The following AKT3 variants were observed in gnomAD, a reference collection of about 807,000 sequenced individuals.
AKT3 encodes the protein RAC-gamma serine/threonine-protein kinase.
AKT3 carries 15 observed loss-of-function variants against 65.3 expected under a neutral mutation model. The observed-to-expected ratio is 0.23, with a 90% confidence interval of 0.15 to 0.35. The LOEUF is 0.35. Among genes scored for constraint, AKT3 ranks in the 10% least tolerant of loss-of-function variants. The pLI, the probability that AKT3 is intolerant of heterozygous loss-of-function variation, is 1.00. For synonymous variants in AKT3, 206 were observed against 183.8 expected (o/e 1.12, Z -0.98); for missense variants, 243 against 576.5 (o/e 0.42, Z 5.92).
chr1:243,562,074 C>G (rs1673826999), intron 10 of AKT3, among the ~76,000 whole-genome samples: 1 of 152,026 alleles, frequency 6.6e-6, no homozygotes, highest in African/African-American at 2.4e-5. Flanking sequence ...TGGATGCAAC[C>G]CAATGTACAT....
At position 243,500,609 on chromosome 1, in the gene AKT3, G is replaced by GACAA. The variant is rs370859816; in HGVS notation, c.*4636_*4639dup. 1,197 of 229,534 alleles carry GACAA rather than the reference G, an allele frequency of 5.2e-3. 13 individuals carry two copies. The highest frequency in any genetic ancestry group is 0.024 in the African/African-American group (1,096 of 45,236). 14.2% of individuals were successfully genotyped at this position (229,534 alleles called of 1,614,324 possible). A position where few individuals can be genotyped will look rare whatever the true frequency, so the allele number is the denominator to read the frequency against. Reference sequence around the variant, plus strand: ...GACATACCGTGTTGTATCTGAGAATGACAAACACTAAAGGCAAGGCTGCAG... The same window carrying GACAA: ...GACATACCGTGTTGTATCTGAGAATGACAAACAAACACTAAAGGCAAGGCTGCAG... On this transcript the variant is annotated 3_prime_UTR_variant, in exon 14 of 14. Coordinates refer to ENST00000673466, the MANE Select transcript of AKT3 (RefSeq NM_005465.7).
At chr1:243,671,424 G>T (rs373687200) in intron 3 of AKT3, among the ~76,000 whole-genome samples, 4 of 152,124 alleles carry the variant, frequency 2.6e-5, no homozygotes, top group East Asian at 3.8e-4. Context: ...AATGCTGGCT[G>T]TGAGTTATGA....
chr1:243,552,823 A>G lies in AKT3; in HGVS notation c.1069T>C (p.Leu357=), dbSNP rs1673169258. 2 of 1,614,050 alleles carry G rather than the reference A, an allele frequency of 1.2e-6. No individual in the cohort carries two copies. The highest frequency in any genetic ancestry group is 1.7e-6 in the Non-Finnish European group (2 of 1,179,944). ...YNQDHEKLFE[L]ILMEDIKFPR... ...AATTTAATGTCTTCCATTAATATTAATTCAAAAAGTTTCTCATGGTCCTGG... is the reference window on the plus strand; with the variant it reads ...AATTTAATGTCTTCCATTAATATTAGTTCAAAAAGTTTCTCATGGTCCTGG... The change falls in exon 11 of 14, where the codon TTA becomes CTA. Residue 357 remains leucine, a synonymous_variant. Coordinates refer to ENST00000673466, the MANE Select transcript of AKT3 (RefSeq NM_005465.7).
At chr1:243,744,738 CAAAAAAA>C (rs932389262) in intron 2 of AKT3, among the ~76,000 whole-genome samples, 6 of 53,264 alleles carry the variant, frequency 1.1e-4, no homozygotes, top group African/African-American at 2.0e-4. Flanking sequence ...GACTCCGTCT[CAAAAAAA>C]AAAAAAAAAA....
chr1:243,757,093 ACAAT>A (rs1338863438), intron 2 of AKT3, among the ~76,000 whole-genome samples: 4 of 152,242 alleles, frequency 2.6e-5, no homozygotes, highest in Non-Finnish European at 5.9e-5. Context: ...AAGAGCCCTG[ACAAT>A]CAAATGCACA....
chr1:243,516,167 C>T (rs529251122), intron 12 of AKT3, among the ~76,000 whole-genome samples: 1 of 152,316 alleles, frequency 6.6e-6, no homozygotes, highest in East Asian at 1.9e-4. Context: ...AGGATCTTAA[C>T]CACAACTATA....
intron 3 of AKT3, among the ~76,000 whole-genome samples, chr1:243,665,179 C>T (rs1682679786): frequency 1.3e-5 from 2 of 152,218 alleles, no homozygotes; most frequent in African/African-American, 4.8e-5. Flanking sequence ...AAATACTTTC[C>T]TCACTTATTT....
chr1:243,814,156 A>G (rs1454911675), intron 2 of AKT3, among the ~76,000 whole-genome samples: 1 of 152,210 alleles, frequency 6.6e-6, no homozygotes, highest in Non-Finnish European at 1.5e-5. Context: ...TTTTGTGCTC[A>G]TGAACACAAT....
intron 6 of AKT3, among the ~76,000 whole-genome samples, chr1:243,627,053 C>G (rs946363954): frequency 1.3e-5 from 2 of 152,140 alleles, no homozygotes; most frequent in African/African-American, 2.4e-5. Context: ...AGTGCTGTTA[C>G]CAACAAGTTC....
chr1:243,529,440 C>A (rs546516360), intron 12 of AKT3, among the ~76,000 whole-genome samples: 1 of 152,238 alleles, frequency 6.6e-6, no homozygotes, highest in Admixed American at 6.5e-5. Flanking sequence ...ACATTTAAGT[C>A]TTTAATCTAT....
At chr1:243,579,153 T>C (rs986257951) in intron 8 of AKT3, among the ~76,000 whole-genome samples, 1 of 152,188 alleles carries the variant, frequency 6.6e-6, no homozygotes, top group African/African-American at 2.4e-5. Context: ...TAGATGCTGA[T>C]ATAAAGGAAA....
At chr1:243,654,209 TTTAACTC>T (rs1337140337) in intron 4 of AKT3, among the ~76,000 whole-genome samples, 1 of 152,140 alleles carries the variant, frequency 6.6e-6, no homozygotes, top group Non-Finnish European at 1.5e-5. Flanking sequence ...TGTCCATACT[TTTAACTC>T]TTACCAGAAA....
chr1:243,760,282 C>CTTTTTTT lies in AKT3; in HGVS notation c.47-64573_47-64567dup, dbSNP rs58733457. Reference sequence around the variant, plus strand: ...TACAGGCATGTACCTCTATATCTGGCTTTTTTTTTTTTTTTTTTTTTTGTC... The same window carrying CTTTTTTT: ...TACAGGCATGTACCTCTATATCTGGCTTTTTTTTTTTTTTTTTTTTTTTTTTTTTGTC... On this transcript the variant is annotated intron_variant, in intron 2 of 13. Coordinates refer to ENST00000673466, the MANE Select transcript of AKT3 (RefSeq NM_005465.7). 3.4e-3 allele frequency among the ~76,000 whole-genome samples: 273 copies of CTTTTTTT among 80,914 alleles called. 2 individuals carry two copies. Among genetic ancestry groups the CTTTTTTT allele is most frequent in the Middle Eastern group, 0.018 (1 of 56 alleles). 53.1% of individuals were successfully genotyped at this position (80,914 alleles called of 152,430 possible).
chr1:243,547,095 A>G (rs1385029922), intron 11 of AKT3: 4 of 152,228 alleles, frequency 2.6e-5, no homozygotes, highest in Non-Finnish European at 5.9e-5. Context: ...ACAGTCAACA[A>G]AACAGTAAGT....
intron 3 of AKT3, among the ~76,000 whole-genome samples, chr1:243,667,550 C>T (rs1011462401): frequency 1.3e-5 from 2 of 152,152 alleles, no homozygotes; most frequent in South Asian, 2.1e-4. Flanking sequence ...AACTTCTCAC[C>T]ACCTCCACTA....
intron 8 of AKT3, among the ~76,000 whole-genome samples, chr1:243,574,303 C>A (rs952642684): frequency 6.8e-6 from 1 of 147,094 alleles, no homozygotes; most frequent in African/African-American, 2.5e-5. Flanking sequence ...TTATGCATGA[C>A]CCATTGGCAT....
At chr1:243,780,096 A>G (rs2148304790) in intron 2 of AKT3, among the ~76,000 whole-genome samples, 1 of 152,262 alleles carries the variant, frequency 6.6e-6, no homozygotes, top group South Asian at 2.1e-4. Flanking sequence ...TTGGTGGGCC[A>G]AAGTTTGAGG....
At position 243,552,792 on chromosome 1, in the gene AKT3, C is replaced by T. The variant is rs2148466024; in HGVS notation, c.1100G>A (p.Arg367Gln). 1.2e-6 allele frequency: 2 copies of T among 1,613,780 alleles called. No homozygotes were observed. The highest frequency in any genetic ancestry group is 1.7e-6 in the Non-Finnish European group (2 of 1,179,924). ...TGATTTTGCATCTGAAGAGAGTGTT[C>T]GAGGAAATTTAATGTCTTCCATTAA... ...LILMEDIKFP[R>Q]TLSSDAKSLL... Residue 367 changes from arginine to glutamine, a missense_variant, in exon 11 of 14, where the codon CGA becomes CAA. Arg to Gln is a conservative substitution (Grantham distance 43). Transcript: ENST00000673466.
chr1:243,748,652 A>G (rs1688621629), intron 2 of AKT3, among the ~76,000 whole-genome samples: 1 of 152,210 alleles, frequency 6.6e-6, no homozygotes, highest in Non-Finnish European at 1.5e-5. Flanking sequence ...GATAATAAAA[A>G]TAAATCAATA....
Sources: gnomAD v4.1 joint callset for allele counts (sites outside exome capture counted in the v4.1 genomes callset) on GRCh38, gnomAD v4.1.1 for gene constraint, MANE v1.5 for transcripts, NCBI Gene and HGNC (gene_info 2026-07-23, HGNC 2026-07-21) for gene names.